The following HOXC6 variants were observed in gnomAD, a reference collection of about 807,000 sequenced individuals.
HOXC6 encodes the protein homeobox C6, also known as homeobox protein Hox-C6.
In HOXC6, 10 loss-of-function variants were observed where a neutral mutation model predicts 24.0. The ratio of observed to expected loss-of-function variants is 0.42; its 90% confidence interval spans 0.26 to 0.71. The LOEUF (loss-of-function observed/expected upper bound fraction) is 0.71. HOXC6 is among the 30% of genes least tolerant of loss of function. The probability of loss-of-function intolerance (pLI) is 0.28; values close to 1 mark genes in which losing one functional copy is unlikely to be tolerated. For missense variants in HOXC6, 258 were observed against 303.4 expected, an observed-to-expected ratio of 0.85 and a Z score of 1.11; for synonymous variants, 123 against 128.1, an observed-to-expected ratio of 0.96 and a Z score of 0.27.
intron 1 of HOXC6, among the ~76,000 whole-genome samples, chr12:54,017,754 G>T (rs1169646812): frequency 6.6e-6 from 1 of 152,136 alleles, no homozygotes. Flanking sequence ...TAGATCTTCG[G>T]TCTCTTGGCT....
At chr12:54,025,534 G>T (rs1035015914), upstream of HOXC6, among the ~76,000 whole-genome samples, 3 of 51,168 alleles carry the variant, frequency 5.9e-5, no homozygotes, top group East Asian at 1.1e-3. Flanking sequence ...AATTGGGGGG[G>T]GGGGAGGTGT....
At position 54,029,785 on chromosome 12, in the gene HOXC6, G is replaced by A. The variant is rs199717526; in HGVS notation, c.531G>A (p.Ala177=). 4 of 1,613,970 alleles carry A rather than the reference G, an allele frequency of 2.5e-6. No individual in the cohort carries two copies. In the African/African-American group the frequency reaches 4.0e-5, roughly 16 times the overall value. Residue 177 remains alanine (A), a synonymous_variant, in exon 2 of 2, where the codon GCG becomes GCA. Transcript: ENST00000243108. ...TRRRRIEIAN[A]LCLTERQIKI... Reference sequence around the variant, plus strand: ...GCCGGCGCATCGAGATCGCCAACGCGCTTTGCCTGACCGAGCGACAGATCA... The same window carrying A: ...GCCGGCGCATCGAGATCGCCAACGCACTTTGCCTGACCGAGCGACAGATCA...
rs1255748543 is a variant in HOXC6, at chr12:54,028,854, T to C, written c.333T>C (p.Thr111=). ...AQDFSSEQGR[T]APQDQKASIQ... is the part of the protein sequence containing the mutation. The stretch of plus-strand genomic sequence containing the variant: ...ATTTTAGTTCTGAGCAGGGCAGGAC[T>C]GCGCCCCAGGACCAGAAAGCCAGTA... The change falls in exon 1 of 2, where the codon ACT becomes ACC. Residue 111 remains threonine, a synonymous_variant. Transcript: ENST00000243108. The C allele has an allele frequency of 8.1e-6, 13 of 1,614,058 alleles. No homozygotes were observed. Among genetic ancestry groups the C allele is most frequent in the Non-Finnish European group, 1.1e-5 (13 of 1,180,016 alleles).
intron 1 of HOXC6, chr12:54,020,966 G>C (rs1947590658): frequency 6.6e-6 from 1 of 152,254 alleles, no homozygotes; most frequent in Non-Finnish European, 1.5e-5. Context: ...ATTGAGTTCT[G>C]CGGGATTCTT....
intron 1 of HOXC6, chr12:54,020,720 G>C (rs1477560686): frequency 6.6e-6 from 1 of 152,188 alleles, no homozygotes; most frequent in Non-Finnish European, 1.5e-5. Flanking sequence ...GAGGCACCGG[G>C]TGCACTGAGC....
upstream of HOXC6, among the ~76,000 whole-genome samples, chr12:54,027,134 T>C (rs1303775992): frequency 6.6e-6 from 1 of 152,254 alleles, no homozygotes. Context: ...CTACTGCGGC[T>C]CCCTCACAAG....
chr12:54,026,892 A>G (rs938837389), upstream of HOXC6, among the ~76,000 whole-genome samples: 1 of 151,924 alleles, frequency 6.6e-6, no homozygotes, highest in African/African-American at 2.4e-5. Context: ...GAAGGAAAAG[A>G]TCATAAAATC....
chr12:54,028,755 C>T lies in HOXC6; in HGVS notation c.234C>T (p.Tyr78=), dbSNP rs550099853. The T allele has an allele frequency of 6.9e-5, 111 of 1,614,102 alleles. No homozygotes were observed. The South Asian group carries it at 1.2e-3, about 17-fold the overall frequency. ...GPYDYGSNSF[Y]QEKDMLSNCR... ...ATGACTATGGATCTAATTCCTTTTA[C>T]CAGGAGAAAGACATGCTCTCAAACT... The change falls in exon 1 of 2, where the codon TAC becomes TAT. Residue 78 remains tyrosine (Y), a synonymous_variant. Coordinates refer to ENST00000243108, the MANE Select transcript of HOXC6 (RefSeq NM_004503.4).
chr12:54,023,120 C>T (rs554653904), intron 1 of HOXC6, among the ~76,000 whole-genome samples: 2 of 152,200 alleles, frequency 1.3e-5, no homozygotes, highest in Non-Finnish European at 2.9e-5. Context: ...TGTCCCCAGG[C>T]TCTCCCCAAG....
upstream of HOXC6, among the ~76,000 whole-genome samples, chr12:54,026,974 G>GC (rs1940742585): frequency 2.3e-5 from 3 of 132,822 alleles, 1 homozygote; most frequent in Non-Finnish European, 4.8e-5. Flanking sequence ...TGGGGGGGGG[G>GC]GGATATGAGC....
chr12:54,021,275 T>TA (rs968472450), intron 1 of HOXC6: 4 of 152,158 alleles, frequency 2.6e-5, no homozygotes, highest in African/African-American at 9.7e-5. Context: ...GTCCCCCAAA[T>TA]ACCCAGATCT....
rs1225841948 is a variant in HOXC6 at position 54,022,446 on chromosome 12, A to C, written c.-193+5032A>C. The C allele has an allele frequency of 1.3e-5, 2 of 152,304 alleles. 1 individual carries two copies. The highest frequency in any genetic ancestry group is 1.3e-4 in the Admixed American group (2 of 15,296). 9.4% of individuals were successfully genotyped at this position (152,304 alleles called of 1,614,324 possible). ...GCCTTTAATTTTGCTGCTAGCTATT[A>C]AATTTAAAAGAGTATCATTGAAGTA... On this transcript the variant is annotated intron_variant, in intron 1 of 2. Transcript: ENST00000394331.
chr12:54,024,020 T>C (rs1940568672), upstream of HOXC6, among the ~76,000 whole-genome samples: 2 of 152,210 alleles, frequency 1.3e-5, no homozygotes, highest in African/African-American at 4.8e-5. Flanking sequence ...ATTTATTTTT[T>C]AATTTCTAAA....
At chr12:54,019,039 T>G (rs916678412) in intron 1 of HOXC6, among the ~76,000 whole-genome samples, 1 of 152,026 alleles carries the variant, frequency 6.6e-6, no homozygotes, top group African/African-American at 2.4e-5. Flanking sequence ...GAGCTGACGG[T>G]GAATTTTATC....
At chr12:54,028,388 A>G (rs1391414086), upstream of HOXC6, 7 of 951,812 alleles carry the variant, frequency 7.4e-6, no homozygotes, top group Non-Finnish European at 3.1e-6. Flanking sequence ...ATTGGCTGGG[A>G]GGGGGTCAGC....
At position 54,029,675 on chromosome 12, in the gene HOXC6, C is replaced by G; in HGVS notation, c.421C>G (p.Arg141Gly). Residue 141 changes from arginine to glycine, a missense_variant, in exon 2 of 2, where the codon CGG becomes GGG. Transcript: ENST00000243108. Reference protein sequence around the residue: ...SHSGVGYGADRRRGRQIYSRY... With the variant: ...SHSGVGYGADGRRGRQIYSRY... ...TTTAGGGGTCGGCTACGGAGCGGAC[C>G]GGAGGCGCGGCCGCCAGATCTACTC... 6.2e-7 allele frequency: 1 copy of G among 1,613,522 alleles called. No homozygotes were observed. The highest frequency in any genetic ancestry group is 8.5e-7 in the Non-Finnish European group (1 of 1,179,592).
chr12:54,028,265 ATATT>A (rs869087209), upstream of HOXC6: 5 of 71,356 alleles, frequency 7.0e-5, no homozygotes, highest in South Asian at 3.1e-4. Context: ...ATATATATAT[ATATT>A]TTTTAAAAGA....
intron 1 of HOXC6, chr12:54,022,549 G>A (rs1352515732): frequency 6.6e-6 from 1 of 151,932 alleles, no homozygotes; most frequent in African/African-American, 2.4e-5. Context: ...AGATTAAATG[G>A]TTCTTTCAGA....
chr12:54,017,744 T>C lies in HOXC6; in HGVS notation c.-193+330T>C, dbSNP rs534488512. Among the ~76,000 whole-genome samples, 34 of 152,270 alleles carry C rather than the reference T, an allele frequency of 2.2e-4. 1 individual carries two copies. In the South Asian group the frequency reaches 4.6e-3, roughly 20 times the overall value. ...CCACTGTGTCAGTACCTGCTTATTA[T>C]AGATCTTCGGTCTCTTGGCTAATGG... On this transcript the variant is annotated intron_variant, in intron 1 of 2. Transcript: ENST00000394331.
Sources: allele counts gnomAD v4.1 joint callset (sites outside exome capture counted in the v4.1 genomes callset), GRCh38; gene constraint gnomAD v4.1.1; transcripts MANE v1.5; gene names NCBI Gene and HGNC (gene_info 2026-07-23, HGNC 2026-07-21).